The following GRIP2 variants were observed in gnomAD, a reference collection of about 807,000 sequenced individuals.
GRIP2 encodes the protein glutamate receptor interacting protein 2, also known as glutamate receptor-interacting protein 2.
GRIP2 carries 58 observed loss-of-function variants against 108.3 expected under a neutral mutation model. The observed-to-expected ratio is 0.54, with a 90% CI of 0.43 to 0.67. GRIP2 has a LOEUF of 0.67. Ranked by LOEUF, GRIP2 falls within the 30% of genes least tolerant of loss-of-function variation. The probability of loss-of-function intolerance (pLI) is 0.00; values close to 1 mark genes in which losing one functional copy is unlikely to be tolerated. For synonymous variants in GRIP2, 586 were observed against 598.2 expected, an observed-to-expected ratio of 0.98 and a Z score of 0.30; for missense variants, 1,278 against 1,430.6, an observed-to-expected ratio of 0.89 and a Z score of 1.72.
Position 14,523,212 on chromosome 3 carries a change from T to C in GRIP2, c.491-137A>G, listed in dbSNP as rs1202091508. ...TCCTTGCTATCCATGGACCCTCTTA[T>C]GAGACACCAACAATAAATTCGCCCT... On this transcript the variant is annotated intron_variant, in intron 5 of 23. Coordinates refer to ENST00000621039, the MANE Select transcript of GRIP2 (RefSeq NM_001080423.4). The C allele has an allele frequency of 6.0e-6, 4 of 669,846 alleles. No homozygotes were observed. In the Admixed American group the frequency reaches 1.2e-4, roughly 20 times the overall value. 41.5% of individuals were successfully genotyped at this position (669,846 alleles called of 1,614,324 possible).
intron 9 of GRIP2, 44 bp from the exon 10 acceptor site, chr3:14,517,941 T>C (rs1024185249): frequency 1.9e-5 from 28 of 1,491,104 alleles, no homozygotes; most frequent in Non-Finnish European, 2.5e-5. Context: ...CAGGCGTTAG[T>C]GGCTGAGGGC....
At chr3:14,565,602 T>C in the GRIP2 span, among the ~76,000 whole-genome samples, 1 of 151,912 alleles carries the variant, frequency 6.6e-6, no homozygotes. Context: ...GAGAGCAGGG[T>C]TGTGCCACAG....
intron 11 of GRIP2, among the ~76,000 whole-genome samples, chr3:14,516,063 C>A (rs990214127): frequency 6.6e-6 from 1 of 152,184 alleles, no homozygotes; most frequent in Middle Eastern, 3.4e-3. Flanking sequence ...GTTACACATC[C>A]CAGGAAGGAG....
intron 1 of GRIP2, among the ~76,000 whole-genome samples, chr3:14,527,256 G>A (rs1483738618): frequency 6.6e-6 from 1 of 151,998 alleles, no homozygotes; most frequent in African/African-American, 2.4e-5. Context: ...GAAAGGGAAG[G>A]GAAGGGAAGG....
chr3:14,499,858 C>T (rs1693720586), intron 21 of GRIP2, among the ~76,000 whole-genome samples: 1 of 152,088 alleles, frequency 6.6e-6, no homozygotes, highest in Admixed American at 6.6e-5. Context: ...ACATAAAATA[C>T]ACTAACGTTA....
chr3:14,593,095 T>C, the GRIP2 span, among the ~76,000 whole-genome samples: 1 of 152,138 alleles, frequency 6.6e-6, no homozygotes, highest in Non-Finnish European at 1.5e-5. Flanking sequence ...ACTAATGTCA[T>C]CCCCAACCCA....
chr3:14,565,919 G>A, the GRIP2 span, among the ~76,000 whole-genome samples: 14 of 152,206 alleles, frequency 9.2e-5, no homozygotes, highest in Non-Finnish European at 1.9e-4. Context: ...ACAGAGAAAG[G>A]AGCGTGCCCT....
At chr3:14,575,714 G>A in the GRIP2 span, among the ~76,000 whole-genome samples, 2 of 152,246 alleles carry the variant, frequency 1.3e-5, no homozygotes, top group Non-Finnish European at 2.9e-5. Context: ...ACAAAAGGGT[G>A]GAGAGGAAGC....
chr3:14,493,739 T>C lies in GRIP2; in HGVS notation c.3058A>G (p.Ser1020Gly), dbSNP rs1200722691. The C allele has an allele frequency of 6.2e-7, 1 of 1,610,288 alleles. No individual in the cohort carries two copies. The highest frequency in any genetic ancestry group is 1.7e-5 in the Admixed American group (1 of 59,562). ...EAGDVLELII[S>G]RKPHTAHSSR... Reference sequence around the variant, plus strand: ...CTGTGTGCCGTGTGCGGCTTGCGGCTGATGATCAGCTCCAAGACATCACCC... The same window carrying C: ...CTGTGTGCCGTGTGCGGCTTGCGGCCGATGATCAGCTCCAAGACATCACCC... The change falls in exon 24 of 24, where the codon AGC (serine) becomes GGC (glycine). Residue 1020 changes from serine to glycine, a missense_variant. Ser to Gly is a moderately conservative substitution (Grantham distance 56). Coordinates refer to ENST00000621039, the MANE Select transcript of GRIP2 (RefSeq NM_001080423.4).
chr3:14,542,160 T>A (rs1339423395), upstream of GRIP2: 6 of 1,008,166 alleles, frequency 6.0e-6, no homozygotes, highest in Non-Finnish European at 7.9e-6. Flanking sequence ...TTTATTTTTT[T>A]TATTTTTTTT....
intron 1 of GRIP2, among the ~76,000 whole-genome samples, chr3:14,554,607 G>A (rs1202449118): frequency 6.6e-6 from 1 of 152,126 alleles, no homozygotes; most frequent in African/African-American, 2.4e-5. Flanking sequence ...CAGCTGCCCT[G>A]AGGCCAGTGA....
At chr3:14,573,451 G>A in the GRIP2 span, 1 of 1,508,696 alleles carries the variant, frequency 6.6e-7, no homozygotes, top group Non-Finnish European at 9.2e-7. Context: ...GACAGCCACA[G>A]GCGGTAGAAC....
chr3:14,510,258 G>GTTTT (rs148444184), intron 16 of GRIP2, among the ~76,000 whole-genome samples: 17 of 92,254 alleles, frequency 1.8e-4, no homozygotes, highest in African/African-American at 3.1e-4. Flanking sequence ...ATCATCCGTT[G>GTTTT]TTTTTTTTTT....
At position 14,505,841 on chromosome 3, in the gene GRIP2, C is replaced by T. The variant is rs911906890; in HGVS notation, c.2399-52G>A. ...TTCCCTGCGGCCTCACCTTGCCCTC[C>T]TGCCTGCCCCATTTCCAGCTGTGCT... On this transcript the variant is annotated intron_variant, in intron 19 of 23. Transcript: ENST00000621039. This position sits in a 1 kb window ranked among gnomAD's most constrained non-coding sequence, Gnocchi z 4.2. 9.0e-6 allele frequency: 13 copies of T among 1,446,066 alleles called. No individual in the cohort carries two copies. The South Asian group carries it at 1.8e-4, about 19-fold the overall frequency. 89.6% of individuals were successfully genotyped at this position (1,446,066 alleles called of 1,614,324 possible).
chr3:14,588,252 G>T, the GRIP2 span, among the ~76,000 whole-genome samples: 1 of 152,134 alleles, frequency 6.6e-6, no homozygotes, highest in Non-Finnish European at 1.5e-5. Context: ...CTGTGGTTCA[G>T]CCTGGTTTAT....
At position 14,520,252 on chromosome 3, in the gene GRIP2, G is replaced by A. The variant is rs1408896589; in HGVS notation, c.888C>T (p.His296=). The part of the protein sequence containing the change: ...DRSGALHPGD[H]ILSIDGTSME... ...TGCTGGTGCCATCGATGGACAGGAT[G>A]TGGTCTCCAGGGTGCAGGGCTCCGC... The change falls in exon 9 of 24, where the codon CAC becomes CAT. Residue 296 remains histidine, a synonymous_variant. Coordinates refer to ENST00000621039, the MANE Select transcript of GRIP2 (RefSeq NM_001080423.4). 5 of 1,613,772 alleles carry A rather than the reference G, an allele frequency of 3.1e-6. No homozygotes were observed. The highest frequency in any genetic ancestry group is 2.7e-5 in the African/African-American group (2 of 74,940).
chr3:14,510,932 G>T (rs994368501), intron 16 of GRIP2, among the ~76,000 whole-genome samples: 6 of 152,180 alleles, frequency 3.9e-5, no homozygotes, highest in African/African-American at 1.4e-4. Flanking sequence ...TGGAGACTAC[G>T]GGAGAGTCTC....
the GRIP2 span, chr3:14,572,975 G>A: frequency 2.0e-6 from 3 of 1,483,140 alleles, no homozygotes; most frequent in Non-Finnish European, 2.8e-6. Flanking sequence ...GGCCAGCCAG[G>A]AGGCCCAGGA....
chr3:14,598,134 C>A, the GRIP2 span, among the ~76,000 whole-genome samples: 1 of 152,136 alleles, frequency 6.6e-6, no homozygotes, highest in Admixed American at 6.5e-5. Context: ...CACGCACACA[C>A]AAACACACAC....
Sources: gnomAD v4.1 joint callset for allele counts (sites outside exome capture counted in the v4.1 genomes callset) on GRCh38, gnomAD v4.1.1 for gene constraint, Gnocchi (gnomAD v3.1) non-coding constraint, MANE v1.5 for transcripts, NCBI Gene and HGNC (gene_info 2026-07-23, HGNC 2026-07-21) for gene names.